The following PPARGC1A variants were observed in gnomAD, a reference collection of about 807,000 sequenced individuals.
The protein encoded by PPARGC1A is peroxisome proliferator-activated receptor gamma coactivator 1-alpha.
A neutral mutation model predicts 88.7 loss-of-function variants in PPARGC1A; 25 were observed. The observed-to-expected ratio is 0.28, with a 90% CI of 0.21 to 0.39. PPARGC1A has a LOEUF of 0.39. Among genes scored for constraint, PPARGC1A ranks in the 10% least tolerant of loss-of-function variants. PPARGC1A has a pLI of 1.00. For missense variants in PPARGC1A, 880 were observed against 968.7 expected, an observed-to-expected ratio of 0.91 and a Z score of 1.22; for synonymous variants, 363 against 355.6, an observed-to-expected ratio of 1.02 and a Z score of -0.24.
In PPARGC1A at chr4:23,813,934, C is replaced by G. The variant is rs1230478638; in HGVS notation, c.1549G>C (p.Glu517Gln). 2 of 1,614,038 alleles carry G rather than the reference C, an allele frequency of 1.2e-6. No homozygotes were observed. The highest frequency in any genetic ancestry group is 4.5e-5 in the East Asian group (2 of 44,864). ...CAAGGGTAGCTCAGTTTATCACTTTCATCTTCGCTGTCATCAAACAGGCCA... is the reference window on the plus strand; with the variant it reads ...CAAGGGTAGCTCAGTTTATCACTTTGATCTTCGCTGTCATCAAACAGGCCA... ...MDGLFDDSED[E>Q]SDKLSYPWDG... Residue 517 changes from glutamate (E) to glutamine (Q), a missense_variant, in exon 8 of 13, where the codon GAA becomes CAA. By Grantham distance (29) the Glu-to-Gln change is conservative. Coordinates refer to ENST00000264867, the MANE Select transcript of PPARGC1A (RefSeq NM_013261.5).
chr4:24,387,818 A>AAGAAAGAG, the PPARGC1A span, among the ~76,000 whole-genome samples: 72 of 81,064 alleles, frequency 8.9e-4, 2 homozygotes, highest in African/African-American at 3.3e-3. Context: ...GAAAGAAAGA[A>AAGAAAGAG]AGAAAGAGAG....
the PPARGC1A span, among the ~76,000 whole-genome samples, chr4:24,371,712 G>A: frequency 3.6e-3 from 545 of 151,706 alleles, 28 homozygotes; most frequent in East Asian, 0.081. Context: ...AGGCCGAGGC[G>A]GGAGGATCAC....
chr4:24,224,984 TCAAAGATCAG>T, the PPARGC1A span, among the ~76,000 whole-genome samples: 104 of 152,298 alleles, frequency 6.8e-4, no homozygotes, highest in Middle Eastern at 3.4e-3. Flanking sequence ...TCACGCATGT[TCAAAGATCAG>T]CAAGGAGCCC....
the PPARGC1A span, among the ~76,000 whole-genome samples, chr4:24,360,443 C>T: frequency 2.6e-3 from 389 of 152,240 alleles, 1 homozygote; most frequent in African/African-American, 8.9e-3. Flanking sequence ...ACTCCCTCAT[C>T]CTGTCTTTCA....
the PPARGC1A span, among the ~76,000 whole-genome samples, chr4:24,406,265 CAAG>C: frequency 6.6e-6 from 1 of 152,194 alleles, no homozygotes. Context: ...CATCTTCCCA[CAAG>C]AAGTTAGGCT....
the PPARGC1A span, among the ~76,000 whole-genome samples, chr4:23,929,217 CAG>C: frequency 2.0e-5 from 3 of 152,008 alleles, no homozygotes; most frequent in Admixed American, 2.0e-4. Flanking sequence ...TAGGTCAACC[CAG>C]GGAGGTACAT....
chr4:24,440,813 CAA>C, the PPARGC1A span, among the ~76,000 whole-genome samples: 1 of 150,870 alleles, frequency 6.6e-6, no homozygotes, highest in African/African-American at 2.4e-5. Flanking sequence ...AAAACACAAA[CAA>C]ACAAACAAAA....
At chr4:24,377,517 T>C in the PPARGC1A span, among the ~76,000 whole-genome samples, 1 of 152,172 alleles carries the variant, frequency 6.6e-6, no homozygotes, top group East Asian at 1.9e-4. Context: ...AAGTTCAGCC[T>C]GATTCTCGGT....
At chr4:24,216,217 A>G in the PPARGC1A span, among the ~76,000 whole-genome samples, 3 of 135,164 alleles carry the variant, frequency 2.2e-5, no homozygotes, top group African/African-American at 5.7e-5. Context: ...GTGTCATCTC[A>G]CCTCACTGCA....
At chr4:23,814,671 T>G in intron 7 of PPARGC1A, 66 bp from the exon 8 acceptor site, 1 of 1,348,108 alleles carries the variant, frequency 7.4e-7, no homozygotes, top group Non-Finnish European at 9.9e-7. Context: ...ATAATGTTCT[T>G]AAATGCGAAG....
At chr4:24,012,418 C>T in the PPARGC1A span, among the ~76,000 whole-genome samples, 1 of 152,150 alleles carries the variant, frequency 6.6e-6, no homozygotes, top group East Asian at 1.9e-4. Context: ...TTAGCCTCCC[C>T]TCCACAGACA....
chr4:24,278,266 T>C, the PPARGC1A span, among the ~76,000 whole-genome samples: 2 of 152,196 alleles, frequency 1.3e-5, no homozygotes, highest in African/African-American at 2.4e-5. Context: ...AAATTAGATA[T>C]ACTACAATGT....
At chr4:24,241,797 T>C in the PPARGC1A span, among the ~76,000 whole-genome samples, 1 of 152,186 alleles carries the variant, frequency 6.6e-6, no homozygotes, top group African/African-American at 2.4e-5. Context: ...TAAATAGTAC[T>C]CTGCTTTTGA....
the PPARGC1A span, among the ~76,000 whole-genome samples, chr4:23,934,141 G>A: frequency 6.6e-6 from 1 of 152,180 alleles, no homozygotes; most frequent in Non-Finnish European, 1.5e-5. Context: ...CATGGGGAAG[G>A]GTGAATCTGG....
the PPARGC1A span, among the ~76,000 whole-genome samples, chr4:23,935,261 A>G: frequency 6.6e-6 from 1 of 152,220 alleles, no homozygotes; most frequent in Non-Finnish European, 1.5e-5. Flanking sequence ...TAAGTTTCCT[A>G]AGAGCCATAG....
At chr4:23,834,166 G>T (rs1487915227) in intron 2 of PPARGC1A, among the ~76,000 whole-genome samples, 1 of 152,140 alleles carries the variant, frequency 6.6e-6, no homozygotes, top group Non-Finnish European at 1.5e-5. Flanking sequence ...CAGGCGTGGT[G>T]GCGGACGCCT....
At chr4:23,796,749 G>T (rs1290747460) in intron 12 of PPARGC1A, among the ~76,000 whole-genome samples, 1 of 152,016 alleles carries the variant, frequency 6.6e-6, no homozygotes, top group Non-Finnish European at 1.5e-5. Flanking sequence ...AAGTAACAAA[G>T]GGGGGCTTGG....
chr4:24,395,397 C>T, the PPARGC1A span, among the ~76,000 whole-genome samples: 1 of 152,128 alleles, frequency 6.6e-6, no homozygotes, highest in Admixed American at 6.5e-5. Context: ...GATTGATGCT[C>T]ACTTAAATAA....
At chr4:23,994,290 G>C in the PPARGC1A span, among the ~76,000 whole-genome samples, 2 of 152,102 alleles carry the variant, frequency 1.3e-5, no homozygotes, top group African/African-American at 4.8e-5. Flanking sequence ...TAGGAGCCCA[G>C]AGTTCTTTTG....
Sources: allele counts gnomAD v4.1 joint callset (sites outside exome capture counted in the v4.1 genomes callset), GRCh38; gene constraint gnomAD v4.1.1; transcripts MANE v1.5; gene names NCBI Gene and HGNC (gene_info 2026-07-23, HGNC 2026-07-21).